Variants in GRID2 observed in about 807,000 individuals in gnomAD.
GRID2 encodes glutamate receptor ionotropic, delta-2.
A neutral mutation model predicts 114.8 loss-of-function variants in GRID2; 33 were observed. That is an observed-to-expected ratio of 0.29 (90% CI 0.22 to 0.38). The LOEUF (loss-of-function observed/expected upper bound fraction) is 0.38, where lower values mean the gene tolerates loss of function less well. GRID2 is among the 10% of genes least tolerant of loss of function. The pLI, the probability that GRID2 is intolerant of heterozygous loss-of-function variation, is 1.00. For synonymous variants in GRID2, 505 were observed against 449.9 expected, an observed-to-expected ratio of 1.12 and a Z score of -1.55; for missense variants, 1,184 against 1,257.7, an observed-to-expected ratio of 0.94 and a Z score of 0.89.
At chr4:93,208,866 T>C (rs1360418182) in intron 5 of GRID2, among the ~76,000 whole-genome samples, 1 of 151,930 alleles carries the variant, frequency 6.6e-6, no homozygotes, top group African/African-American at 2.4e-5. Flanking sequence ...TTCTAGTATG[T>C]CTTAATTTTC....
chr4:92,406,068 C>T (rs1560610701), intron 1 of GRID2, among the ~76,000 whole-genome samples: 1 of 152,074 alleles, frequency 6.6e-6, no homozygotes, highest in Non-Finnish European at 1.5e-5. Context: ...CTCCTCTTCA[C>T]ATTTTTCTTC....
rs572439219 is a variant in GRID2, at chr4:92,986,054, TG to T, written c.245-98939del. Among the ~76,000 whole-genome samples, 11 of 152,212 alleles carry T rather than the reference TG, an allele frequency of 7.2e-5. No homozygotes were observed. The South Asian group carries it at 2.3e-3, about 32-fold the overall frequency. On this transcript the variant is annotated intron_variant, in intron 2 of 15. Coordinates refer to ENST00000282020, the MANE Select transcript of GRID2 (RefSeq NM_001510.4). Reference sequence around the variant, plus strand: ...GTAGCACAGCCAAGGCATGCATTGGTGGAACAGGTAAAATTGATTTTTATAT... The same window carrying T: ...GTAGCACAGCCAAGGCATGCATTGGTGAACAGGTAAAATTGATTTTTATAT...
chr4:93,026,306 A>G (rs895243101), intron 2 of GRID2, among the ~76,000 whole-genome samples: 3 of 151,830 alleles, frequency 2.0e-5, no homozygotes, highest in Admixed American at 6.6e-5. Context: ...AAATATTTAT[A>G]GGGCATATTT....
chr4:93,659,288 A>G (rs1018554671), intron 14 of GRID2, among the ~76,000 whole-genome samples: 1 of 152,148 alleles, frequency 6.6e-6, no homozygotes, highest in Admixed American at 6.6e-5. Context: ...CAGAGGCTGG[A>G]GGTCTCACAC....
At chr4:92,553,327 T>C (rs1726690078) in intron 1 of GRID2, among the ~76,000 whole-genome samples, 1 of 152,188 alleles carries the variant, frequency 6.6e-6, no homozygotes, top group Non-Finnish European at 1.5e-5. Flanking sequence ...TTTGATAGCA[T>C]AGGAAAGGAT....
intron 1 of GRID2, among the ~76,000 whole-genome samples, chr4:93,795,086 A>G (rs1241617858): frequency 1.3e-5 from 2 of 152,230 alleles, no homozygotes; most frequent in Non-Finnish European, 2.9e-5. Flanking sequence ...ATTTTAGCAT[A>G]AAGACAAAAA....
At chr4:92,395,172 CAT>C (rs1156878210) in intron 1 of GRID2, among the ~76,000 whole-genome samples, 1 of 151,506 alleles carries the variant, frequency 6.6e-6, no homozygotes, top group African/African-American at 2.4e-5. Flanking sequence ...TAAATACCCA[CAT>C]ATTTTGTTGA....
At position 92,974,037 on chromosome 4, in the gene GRID2, G is replaced by A. The variant is rs1027251842; in HGVS notation, c.245-110958G>A. Among the ~76,000 whole-genome samples the A allele has an allele frequency of 2.0e-4, 30 of 152,174 alleles. 1 individual carries two copies. Among genetic ancestry groups the A allele is most frequent in the African/African-American group, 7.0e-4 (29 of 41,526 alleles). ...CAAAAAATAGGCAAAGGCTATGAAC[G>A]ACACTTTTCAAAAGAAGACATTTAT... On this transcript the variant is annotated intron_variant, in intron 2 of 15. Transcript: ENST00000282020.
At chr4:93,248,760 A>G (rs913804023) in intron 8 of GRID2, among the ~76,000 whole-genome samples, 1 of 152,182 alleles carries the variant, frequency 6.6e-6, no homozygotes, top group African/African-American at 2.4e-5. Context: ...ATTCAAACTA[A>G]TGAATATTAT....
intron 8 of GRID2, among the ~76,000 whole-genome samples, chr4:93,322,211 A>G (rs10012349): frequency 0.21 from 32,040 of 151,702 alleles, 4,125 homozygotes; most frequent in African/African-American, 0.36. Context: ...CCCACCCAAC[A>G]ACAGGCCCCA....
chr4:92,973,385 T>C (rs1456683354), intron 2 of GRID2, among the ~76,000 whole-genome samples: 1 of 152,174 alleles, frequency 6.6e-6, no homozygotes, highest in Non-Finnish European at 1.5e-5. Flanking sequence ...ATAGTTACAA[T>C]AGGTGGCATT....
intron 9 of GRID2, among the ~76,000 whole-genome samples, chr4:93,414,329 C>G (rs548637569): frequency 2.1e-3 from 325 of 152,182 alleles, no homozygotes; most frequent in Middle Eastern, 0.01. Flanking sequence ...CTGATCATGT[C>G]TCTCCTCTGC....
At chr4:92,886,868 A>C (rs983881784) in intron 2 of GRID2, among the ~76,000 whole-genome samples, 2 of 151,050 alleles carry the variant, frequency 1.3e-5, no homozygotes, top group Non-Finnish European at 3.0e-5. Context: ...CTCGTGATCC[A>C]CCCGCCTCGG....
chr4:92,561,396 C>T (rs1456866687), intron 1 of GRID2, among the ~76,000 whole-genome samples: 2 of 152,164 alleles, frequency 1.3e-5, no homozygotes, highest in African/African-American at 4.8e-5. Context: ...CATCTCATTA[C>T]ATTTACTTAA....
chr4:92,754,801 C>A (rs1455219925), intron 2 of GRID2, among the ~76,000 whole-genome samples: 1 of 152,018 alleles, frequency 6.6e-6, no homozygotes, highest in Non-Finnish European at 1.5e-5. Context: ...ATTGGAGATT[C>A]AAAAGAGAAA....
At chr4:92,761,099 A>G (rs568733313) in intron 2 of GRID2, among the ~76,000 whole-genome samples, 1 of 152,092 alleles carries the variant, frequency 6.6e-6, no homozygotes, top group South Asian at 2.1e-4. Context: ...TTTTATCCAA[A>G]CTTTGATCAT....
chr4:93,626,461 G>T, intron 14 of GRID2, 26 bp downstream of exon 14: 2 of 1,465,432 alleles, frequency 1.4e-6, no homozygotes, highest in Non-Finnish European at 1.9e-6. Flanking sequence ...GACCAAATAA[G>T]GGGAGAGATG....
intron 1 of GRID2, among the ~76,000 whole-genome samples, chr4:92,567,896 C>T (rs1035405280): frequency 3.3e-5 from 5 of 151,928 alleles, no homozygotes; most frequent in Non-Finnish European, 5.9e-5. Flanking sequence ...AAACAAAACC[C>T]CTTGCCCTCA....
intron 4 of GRID2, among the ~76,000 whole-genome samples, chr4:93,144,463 A>G (rs536077463): frequency 1.1e-4 from 16 of 152,312 alleles, no homozygotes; most frequent in African/African-American, 3.6e-4. Context: ...AAAGAATAGA[A>G]ATAACTGCAG....
Sources: allele counts gnomAD v4.1 joint callset (sites outside exome capture counted in the v4.1 genomes callset), GRCh38; gene constraint gnomAD v4.1.1; transcripts MANE v1.5; gene names NCBI Gene and HGNC (gene_info 2026-07-23, HGNC 2026-07-21).